The following CUEDC1 variants were observed in gnomAD, a reference collection of about 807,000 sequenced individuals.
CUEDC1 encodes CUE domain-containing protein 1.
A neutral mutation model predicts 43.7 loss-of-function variants in CUEDC1; 30 were observed. That is an observed-to-expected ratio of 0.69 (90% CI 0.51 to 0.93). CUEDC1 has a LOEUF of 0.93. Ranked by LOEUF, CUEDC1 falls within the 40% of genes least tolerant of loss-of-function variation. The pLI, the probability that CUEDC1 is intolerant of heterozygous loss-of-function variation, is 0.00. For missense variants in CUEDC1, 486 were observed against 549.0 expected (o/e 0.89, Z 1.15); for synonymous variants, 223 against 223.6 (o/e 1.00, Z 0.02).
At chr17:57,886,328 A>T (rs1231643682) in intron 1 of CUEDC1, among the ~76,000 whole-genome samples, 1 of 152,218 alleles carries the variant, frequency 6.6e-6, no homozygotes, top group Non-Finnish European at 1.5e-5. Flanking sequence ...GGCTCTTTAA[A>T]GATGTCCTGC....
chr17:57,869,004 A>T, intron 7 of CUEDC1, 118 bp downstream of exon 7: 1 of 989,012 alleles, frequency 1.0e-6, no homozygotes, highest in Non-Finnish European at 1.5e-6. Context: ...TGAAAATGTC[A>T]CTGGTTCACC....
chr17:57,867,004 C>T, intron 9 of CUEDC1: 1 of 400,810 alleles, frequency 2.5e-6, no homozygotes. Flanking sequence ...TCTGGGCCCA[C>T]AGACTGAAGC....
intron 1 of CUEDC1, among the ~76,000 whole-genome samples, chr17:57,906,323 GA>G (rs1157420177): frequency 2.0e-5 from 3 of 152,232 alleles, no homozygotes; most frequent in Non-Finnish European, 4.4e-5. Flanking sequence ...GATGAACCTT[GA>G]AAACATTATA....
At chr17:57,913,810 C>T (rs1229073766) in intron 1 of CUEDC1, among the ~76,000 whole-genome samples, 1 of 152,202 alleles carries the variant, frequency 6.6e-6, no homozygotes, top group Non-Finnish European at 1.5e-5. Flanking sequence ...CTGGCCAGCA[C>T]CCCACCCCAG....
rs2074278529 is a variant in CUEDC1, at chr17:57,885,532, G to A, written c.33C>T (p.Gly11=). The A allele has an allele frequency of 3.6e-6, 5 of 1,386,866 alleles. No individual in the cohort carries two copies. The highest frequency in any genetic ancestry group is 2.2e-4 in the Middle Eastern group (1 of 4,588). 85.9% of individuals were successfully genotyped at this position (1,386,866 alleles called of 1,614,324 possible). Residue 11 remains glycine (G), a synonymous_variant, in exon 2 of 11, where the codon GGC becomes GGT. Transcript: ENST00000577830. The part of the protein sequence containing the change: MTSLFRRSSS[G]SGGGGTAGAR... ...CCCCGGCGGTGCCACCCCCGCCGCT[G>A]CCGCTGCTGCTCCGGCGGAACAGGC...
chr17:57,872,721 G>T lies in CUEDC1; in HGVS notation c.726C>A (p.Asn242Lys). The change falls in exon 5 of 11, where the codon AAC (asparagine) becomes AAA (lysine). Residue 242 changes from asparagine to lysine, a missense_variant. Asn to Lys is a moderately conservative substitution (Grantham distance 94). Transcript: ENST00000577830. ...EDERIALFLQNEEFMKELQRN... is the reference protein window; with the variant it reads ...EDERIALFLQKEEFMKELQRN... ...GTTGCAGCTCCTTCATGAACTCCTC[G>T]TTCTGCAGGAAAAGCGCGATCCTCT... 6.2e-7 allele frequency: 1 copy of T among 1,614,132 alleles called. No individual in the cohort carries two copies. The highest frequency in any genetic ancestry group is 8.5e-7 in the Non-Finnish European group (1 of 1,180,024).
At chr17:57,881,049 G>A (rs138128153) in intron 2 of CUEDC1, among the ~76,000 whole-genome samples, 1 of 152,242 alleles carries the variant, frequency 6.6e-6, no homozygotes, top group African/African-American at 2.4e-5. Flanking sequence ...AATGCTGCCT[G>A]TATAAGCCTG....
intron 1 of CUEDC1, among the ~76,000 whole-genome samples, chr17:57,938,311 C>T (rs1302021888): frequency 6.6e-6 from 1 of 152,232 alleles, no homozygotes; most frequent in African/African-American, 2.4e-5. Flanking sequence ...CATGGCCTAA[C>T]GCCCTATAAA....
At chr17:57,893,805 C>CGAGAATTT (rs1435866200) in intron 1 of CUEDC1, among the ~76,000 whole-genome samples, 2 of 152,150 alleles carry the variant, frequency 1.3e-5, no homozygotes, top group African/African-American at 4.8e-5. Flanking sequence ...CTGTAAAACA[C>CGAGAATTT]GAGAATTTGG....
At chr17:57,949,408 C>T (rs2074985036) in intron 1 of CUEDC1, among the ~76,000 whole-genome samples, 1 of 152,078 alleles carries the variant, frequency 6.6e-6, no homozygotes, top group South Asian at 2.1e-4. Flanking sequence ...TGGTTCTCAG[C>T]AGACTCTGTT....
intron 1 of CUEDC1, among the ~76,000 whole-genome samples, chr17:57,941,021 G>A (rs1359240151): frequency 1.3e-5 from 2 of 152,194 alleles, no homozygotes; most frequent in South Asian, 4.1e-4. Flanking sequence ...TCACACCCAA[G>A]GCTCTACCAA....
chr17:57,910,740 T>G (rs979793785), intron 1 of CUEDC1, among the ~76,000 whole-genome samples: 1 of 152,018 alleles, frequency 6.6e-6, no homozygotes, highest in Non-Finnish European at 1.5e-5. Context: ...AACACCCCCT[T>G]TTTCTTCCTT....
intron 1 of CUEDC1, among the ~76,000 whole-genome samples, chr17:57,889,193 G>C (rs987031246): frequency 3.3e-5 from 5 of 152,190 alleles, no homozygotes; most frequent in African/African-American, 1.2e-4. Context: ...AATGAAATAA[G>C]ATAATCCTCA....
intron 1 of CUEDC1, chr17:57,912,362 C>A (rs1360815461): frequency 6.6e-6 from 1 of 152,210 alleles, no homozygotes; most frequent in Admixed American, 6.5e-5. Context: ...GCCTGGGACC[C>A]GCTGGAGGGA....
intron 6 of CUEDC1, among the ~76,000 whole-genome samples, 161 bp downstream of exon 6, chr17:57,871,125 G>A (rs1338946609): frequency 2.0e-5 from 3 of 152,224 alleles, no homozygotes; most frequent in African/African-American, 7.2e-5. Flanking sequence ...TGGATATGGA[G>A]ATGGGGGCAG....
intron 1 of CUEDC1, among the ~76,000 whole-genome samples, chr17:57,922,196 G>A (rs1327735037): frequency 6.6e-6 from 1 of 152,168 alleles, no homozygotes. Context: ...GTTTGGATAT[G>A]GAGGGATAAA....
intron 1 of CUEDC1, among the ~76,000 whole-genome samples, chr17:57,906,039 G>A (rs1348937593): frequency 6.6e-6 from 1 of 152,238 alleles, no homozygotes; most frequent in Non-Finnish European, 1.5e-5. Flanking sequence ...AAAAACCACA[G>A]TTTGGTGGTT....
At chr17:57,925,968 G>A (rs982472391) in intron 1 of CUEDC1, among the ~76,000 whole-genome samples, 1 of 152,222 alleles carries the variant, frequency 6.6e-6, no homozygotes, top group African/African-American at 2.4e-5. Context: ...CAGGCCTGAT[G>A]GCTCCCCAAG....
chr17:57,886,169 C>A (rs1737359470), intron 1 of CUEDC1, among the ~76,000 whole-genome samples: 2 of 152,102 alleles, frequency 1.3e-5, no homozygotes, highest in Non-Finnish European at 2.9e-5. Flanking sequence ...TGCTAGTATG[C>A]CCATGTTGCA....
Sources: gnomAD v4.1 joint callset for allele counts (sites outside exome capture counted in the v4.1 genomes callset) on GRCh38, gnomAD v4.1.1 for gene constraint, MANE v1.5 for transcripts, NCBI Gene and HGNC (gene_info 2026-07-23, HGNC 2026-07-21) for gene names.